The following FGF7 variants were observed in gnomAD, a reference collection of about 807,000 sequenced individuals.
FGF7 encodes the protein fibroblast growth factor 7.
A neutral mutation model predicts 20.5 loss-of-function variants in FGF7; 6 were observed. That is an observed-to-expected ratio of 0.29 (90% confidence interval 0.16 to 0.58). The LOEUF is 0.58. Among genes scored for constraint, FGF7 ranks in the 20% least tolerant of loss-of-function variants. The probability of loss-of-function intolerance (pLI) is 0.90; values close to 1 mark genes in which losing one functional copy is unlikely to be tolerated. For synonymous variants in FGF7, 64 were observed against 74.7 expected, an observed-to-expected ratio of 0.86 and a Z score of 0.74; for missense variants, 144 against 228.8, an observed-to-expected ratio of 0.63 and a Z score of 2.39.
chr15:49,473,080 T>A (rs909303492), intron 2 of FGF7, among the ~76,000 whole-genome samples: 1 of 152,172 alleles, frequency 6.6e-6, no homozygotes, highest in African/African-American at 2.4e-5. Flanking sequence ...AAAGGCATAC[T>A]GTAATCTTTT....
intron 2 of FGF7, among the ~76,000 whole-genome samples, chr15:49,428,744 T>C (rs1351946865): frequency 6.6e-6 from 1 of 152,020 alleles, no homozygotes; most frequent in African/African-American, 2.4e-5. Context: ...GTCAATATCA[T>C]CTACTCCTTT....
chr15:49,473,681 T>C (rs2054992884), intron 2 of FGF7, among the ~76,000 whole-genome samples: 1 of 152,140 alleles, frequency 6.6e-6, no homozygotes, highest in African/African-American at 2.4e-5. Flanking sequence ...TTCTCTTATT[T>C]CAACATTTGG....
At chr15:49,479,982 CAA>C (rs2152006329) in intron 2 of FGF7, among the ~76,000 whole-genome samples, 1 of 152,202 alleles carries the variant, frequency 6.6e-6, no homozygotes, top group South Asian at 2.1e-4. Context: ...TGCAAGTGAA[CAA>C]AAGAGTGATA....
intron 2 of FGF7, among the ~76,000 whole-genome samples, chr15:49,460,896 G>A (rs1331894891): frequency 6.6e-6 from 1 of 152,146 alleles, no homozygotes; most frequent in Non-Finnish European, 1.5e-5. Context: ...CATTTGGTTT[G>A]TTTTTAATTT....
At chr15:49,478,284 CT>C (rs2055552305) in intron 2 of FGF7, among the ~76,000 whole-genome samples, 4 of 151,684 alleles carry the variant, frequency 2.6e-5, no homozygotes, top group African/African-American at 9.7e-5. Flanking sequence ...CTTATTTGCC[CT>C]TTGTGTATCT....
intron 2 of FGF7, among the ~76,000 whole-genome samples, chr15:49,479,355 T>C (rs1385774080): frequency 6.6e-6 from 1 of 152,114 alleles, no homozygotes; most frequent in Admixed American, 6.5e-5. Flanking sequence ...GAAATAAATT[T>C]ACTGGGTACT....
intron 2 of FGF7, among the ~76,000 whole-genome samples, chr15:49,431,148 CTT>C (rs1239641006): frequency 1.5e-4 from 23 of 151,714 alleles, no homozygotes; most frequent in Non-Finnish European, 1.5e-5. Context: ...AAAAATGACT[CTT>C]GTTCAATGAA....
chr15:49,464,789 C>T (rs6493371), intron 2 of FGF7, among the ~76,000 whole-genome samples: 49,710 of 151,906 alleles, frequency 0.33, 8,893 homozygotes, highest in African/African-American at 0.46. Flanking sequence ...CAGTGTGGTG[C>T]ATCTACATCT....
intron 2 of FGF7, among the ~76,000 whole-genome samples, chr15:49,427,919 A>G (rs1484695097): frequency 6.6e-6 from 1 of 152,048 alleles, no homozygotes; most frequent in Non-Finnish European, 1.5e-5. Flanking sequence ...TTAAAAAATT[A>G]CTTAAGCTAT....
chr15:49,446,412 T>A (rs1310995315), intron 2 of FGF7, among the ~76,000 whole-genome samples: 1 of 151,534 alleles, frequency 6.6e-6, no homozygotes, highest in East Asian at 1.9e-4. Context: ...CCATAGGAAA[T>A]AATTTGGTAA....
intron 2 of FGF7, among the ~76,000 whole-genome samples, chr15:49,434,121 CT>C (rs1488806000): frequency 6.6e-6 from 1 of 151,496 alleles, no homozygotes; most frequent in African/African-American, 2.4e-5. Context: ...CTTCAGGAGT[CT>C]TTTGGTATCT....
chr15:49,437,494 G>A (rs534099628), intron 2 of FGF7, among the ~76,000 whole-genome samples: 1 of 151,740 alleles, frequency 6.6e-6, no homozygotes, highest in Non-Finnish European at 1.5e-5. Flanking sequence ...TCCAAAGATA[G>A]TATATCTGGA....
In FGF7 at chr15:49,424,285, G is replaced by T; in HGVS notation, c.-13G>T. 2 of 1,606,636 alleles carry T rather than the reference G, an allele frequency of 1.2e-6. No homozygotes were observed. The highest frequency in any genetic ancestry group is 1.7e-6 in the Non-Finnish European group (2 of 1,174,472). On this transcript the variant is annotated 5_prime_UTR_variant, in exon 2 of 4. Transcript: ENST00000267843. ...ATTATGTTATTCATGAACACCCGGA[G>T]CACTACACTATAATGCACAAATGGA...
chr15:49,437,101 CTTCTG>C (rs1463827120), intron 2 of FGF7, among the ~76,000 whole-genome samples: 2 of 151,506 alleles, frequency 1.3e-5, no homozygotes, highest in Admixed American at 6.6e-5. Flanking sequence ...ACTATTTATA[CTTCTG>C]TTCTTTAGGG....
intron 2 of FGF7, among the ~76,000 whole-genome samples, chr15:49,468,850 C>T (rs558962657): frequency 1.9e-4 from 29 of 152,270 alleles, no homozygotes; most frequent in African/African-American, 7.0e-4. Flanking sequence ...TAAGCAGTCA[C>T]TCTGCTTAAC....
intron 2 of FGF7, among the ~76,000 whole-genome samples, chr15:49,471,756 G>A (rs1415589952): frequency 6.6e-6 from 1 of 151,982 alleles, no homozygotes; most frequent in Non-Finnish European, 1.5e-5. Context: ...TAATTTCTTG[G>A]CTAGGAAGCA....
chr15:49,474,698 C>A (rs1418716286), intron 2 of FGF7, among the ~76,000 whole-genome samples: 1 of 152,102 alleles, frequency 6.6e-6, no homozygotes, highest in African/African-American at 2.4e-5. Context: ...GGCGGCAGAG[C>A]AGGAGATGAG....
At chr15:49,461,987 T>C (rs1172650239) in intron 2 of FGF7, among the ~76,000 whole-genome samples, 1 of 152,134 alleles carries the variant, frequency 6.6e-6, no homozygotes, top group East Asian at 1.9e-4. Context: ...CTGGCCAACA[T>C]GGCAAAATCC....
Position 49,429,309 on chromosome 15 carries a change from A to C in FGF7, c.286+4726A>C, listed in dbSNP as rs76199841. Among the ~76,000 whole-genome samples the C allele has an allele frequency of 2.0e-5, 3 of 152,096 alleles. No individual in the cohort carries two copies. In the East Asian group the frequency reaches 5.8e-4, roughly 29 times the overall value. On this transcript the variant is annotated intron_variant, in intron 2 of 3. Coordinates refer to ENST00000267843, the MANE Select transcript of FGF7 (RefSeq NM_002009.4). ...GGCTTTAAATTATGAAGAATGGATAAACTGCTGGGGAGCAGATTTGAAAAT... is the reference window on the plus strand; with the variant it reads ...GGCTTTAAATTATGAAGAATGGATACACTGCTGGGGAGCAGATTTGAAAAT...
Sources: gnomAD v4.1 joint callset for allele counts (sites outside exome capture counted in the v4.1 genomes callset) on GRCh38, gnomAD v4.1.1 for gene constraint, MANE v1.5 for transcripts, NCBI Gene and HGNC (gene_info 2026-07-23, HGNC 2026-07-21) for gene names.